Variants in LRRC7 observed in about 807,000 individuals in gnomAD.
The protein encoded by LRRC7 is leucine-rich repeat-containing protein 7.
A neutral mutation model predicts 175.7 loss-of-function variants in LRRC7; 23 were observed. The ratio of observed to expected loss-of-function variants is 0.13; its 90% confidence interval spans 0.09 to 0.19. The LOEUF (loss-of-function observed/expected upper bound fraction) is 0.19. Among genes scored for constraint, LRRC7 ranks in the 10% least tolerant of loss-of-function variants. The probability of loss-of-function intolerance (pLI) is 1.00; values close to 1 mark genes in which losing one functional copy is unlikely to be tolerated. For synonymous variants in LRRC7, 685 were observed against 680.9 expected, an observed-to-expected ratio of 1.01 and a Z score of -0.09; for missense variants, 1,354 against 1,904.7, an observed-to-expected ratio of 0.71 and a Z score of 5.38.
chr1:69,641,521 A>G (rs1307930012), intron 1 of LRRC7, among the ~76,000 whole-genome samples: 2 of 151,650 alleles, frequency 1.3e-5, no homozygotes, highest in Admixed American at 1.3e-4. Flanking sequence ...TCATATTAAT[A>G]ACCTTTACAG....
At chr1:69,685,082 C>G (rs1457253245) in intron 2 of LRRC7, among the ~76,000 whole-genome samples, 1 of 152,138 alleles carries the variant, frequency 6.6e-6, no homozygotes, top group Non-Finnish European at 1.5e-5. Flanking sequence ...ACTTTTAACT[C>G]TAGCGGATGA....
rs1247392367 is a variant in LRRC7, at chr1:69,568,401, T to A, written c.-239T>A. ...CGCTTCGGGCTTCCCCTCAGCCGCT[T>A]CCCGCGGGAACCTCTCCAGCCGTCC... On this transcript the variant is annotated 5_prime_UTR_variant, in exon 1 of 27. Transcript: ENST00000651989. The A allele has an allele frequency of 9.6e-6, 2 of 208,586 alleles. No homozygotes were observed. Among genetic ancestry groups the A allele is most frequent in the Non-Finnish European group, 1.9e-5 (2 of 102,566 alleles). The allele number at this position is 208,586 out of a possible 1,614,324, so 12.9% of individuals were successfully genotyped here.
intron 25 of LRRC7, among the ~76,000 whole-genome samples, chr1:70,098,646 C>G (rs1229005763): frequency 1.3e-5 from 2 of 151,944 alleles, no homozygotes; most frequent in Admixed American, 6.6e-5. Context: ...GATATCACCA[C>G]TGATCCCACA....
chr1:69,714,456 TATGAG>T (rs75930339), intron 2 of LRRC7, among the ~76,000 whole-genome samples: 11,616 of 152,124 alleles, frequency 0.076, 556 homozygotes, highest in African/African-American at 0.14. Context: ...TGAAAAGTGT[TATGAG>T]AGGAAATGAG....
At chr1:69,922,196 G>A (rs957990940) in intron 7 of LRRC7, among the ~76,000 whole-genome samples, 2 of 152,106 alleles carry the variant, frequency 1.3e-5, no homozygotes, top group Non-Finnish European at 2.9e-5. Flanking sequence ...AAAGTGCTGG[G>A]ATTACAGGCA....
At chr1:69,868,976 G>T (rs1685235671) in intron 7 of LRRC7, among the ~76,000 whole-genome samples, 1 of 150,534 alleles carries the variant, frequency 6.6e-6, no homozygotes. Flanking sequence ...CACTCATATT[G>T]GATTACGGTC....
chr1:70,052,863 A>C lies in LRRC7; in HGVS notation c.4111-163A>C, dbSNP rs143724518. On this transcript the variant is annotated intron_variant, in intron 22 of 26. Coordinates refer to ENST00000651989, the MANE Select transcript of LRRC7 (RefSeq NM_001370785.2). ...TGCTTCCAAAAAGCTTTCAATTTAC[A>C]GTTCTTACCCAGTAAATAGTATATA... is the stretch of plus-strand genomic sequence containing the variant. 2.2e-3 allele frequency among the ~76,000 whole-genome samples: 330 copies of C among 152,252 alleles called. 2 individuals are homozygous for C. Among genetic ancestry groups the C allele is most frequent in the African/African-American group, 7.8e-3 (323 of 41,556 alleles).
At chr1:69,923,620 A>G (rs550316916) in intron 7 of LRRC7, among the ~76,000 whole-genome samples, 6 of 152,154 alleles carry the variant, frequency 3.9e-5, no homozygotes, top group Non-Finnish European at 7.3e-5. Context: ...GTGTCTGTTC[A>G]TGTCCTTTGC....
chr1:69,797,916 TG>T (rs1358949988), intron 4 of LRRC7, among the ~76,000 whole-genome samples: 4 of 152,024 alleles, frequency 2.6e-5, no homozygotes, highest in Non-Finnish European at 4.4e-5. Context: ...TTGTTTTTTT[TG>T]TTTGTTTGTT....
chr1:69,740,427 TTAAAA>T (rs1428300356), intron 2 of LRRC7, among the ~76,000 whole-genome samples: 1 of 152,136 alleles, frequency 6.6e-6, no homozygotes, highest in African/African-American at 2.4e-5. Context: ...CTAAAGGCTG[TTAAAA>T]TAAAAACTTC....
At chr1:70,064,606 A>C (rs1377622318) in intron 23 of LRRC7, among the ~76,000 whole-genome samples, 1 of 151,834 alleles carries the variant, frequency 6.6e-6, no homozygotes. Flanking sequence ...TTTGATATAT[A>C]TATAGCTAGT....
rs1438144408 is a variant in LRRC7 at position 70,129,570 on chromosome 1, G to A, written c.*7683G>A. ...TTGAAAAGAGTCTTCTAGGTTCAGC[G>A]GCCCCAAAAAGTCCCTCCTATGACC... is the stretch of plus-strand genomic sequence containing the variant. On this transcript the variant is annotated 3_prime_UTR_variant, in exon 27 of 27. Coordinates refer to ENST00000651989, the MANE Select transcript of LRRC7 (RefSeq NM_001370785.2). 1.3e-5 allele frequency among the ~76,000 whole-genome samples: 2 copies of A among 152,098 alleles called. No individual in the cohort carries two copies. The highest frequency in any genetic ancestry group is 4.8e-5 in the African/African-American group (2 of 41,392).
At chr1:70,026,258 T>G (rs1658087207) in intron 17 of LRRC7, among the ~76,000 whole-genome samples, 1 of 152,164 alleles carries the variant, frequency 6.6e-6, no homozygotes, top group Non-Finnish European at 1.5e-5. Context: ...TACTTTAGCT[T>G]ATTTTTTATT....
intron 25 of LRRC7, among the ~76,000 whole-genome samples, chr1:70,092,571 G>T (rs1006203859): frequency 6.6e-6 from 1 of 152,036 alleles, no homozygotes; most frequent in Non-Finnish European, 1.5e-5. Flanking sequence ...CTTCATTATT[G>T]TTGATGGAAA....
Position 70,135,495 on chromosome 1 carries a change from A to C in LRRC7, c.*13608A>C, listed in dbSNP as rs1256440518. 6.6e-6 allele frequency among the ~76,000 whole-genome samples: 1 copy of C among 152,212 alleles called. No homozygotes were observed. The highest frequency in any genetic ancestry group is 1.5e-5 in the Non-Finnish European group (1 of 68,028). ...CCCCCAGCAGCTGTGGGAAGAGAAG[A>C]GAGCAGGAGAAGCTGTCACTTAAAA... On this transcript the variant is annotated 3_prime_UTR_variant, in exon 27 of 27. Transcript: ENST00000651989.
intron 7 of LRRC7, among the ~76,000 whole-genome samples, chr1:69,858,906 A>G (rs1684033642): frequency 6.6e-6 from 1 of 152,138 alleles, no homozygotes; most frequent in African/African-American, 2.4e-5. Flanking sequence ...GTCATTACAT[A>G]ATGATAAAAG....
chr1:69,995,975 C>T (rs1390509485), intron 11 of LRRC7, among the ~76,000 whole-genome samples: 2 of 149,322 alleles, frequency 1.3e-5, no homozygotes, highest in African/African-American at 2.5e-5. Context: ...TGAGGAATCG[C>T]CACACTGACT....
chr1:69,857,887 A>G lies in LRRC7; in HGVS notation c.647+19604A>G, dbSNP rs192666952. ...ACTACAAGGCTACAGTAACCAAAAC[A>G]GCATGGTACTCGTACCAAAACAGAG... On this transcript the variant is annotated intron_variant, in intron 7 of 26. Coordinates refer to ENST00000651989, the MANE Select transcript of LRRC7 (RefSeq NM_001370785.2). Among the ~76,000 whole-genome samples the G allele has an allele frequency of 3.9e-3, 600 of 152,314 alleles. 3 individuals carry two copies. The highest frequency in any genetic ancestry group is 0.013 in the African/African-American group (555 of 41,568).
intron 2 of LRRC7, among the ~76,000 whole-genome samples, chr1:69,679,769 G>A (rs1660242355): frequency 6.6e-6 from 1 of 152,070 alleles, no homozygotes; most frequent in South Asian, 2.1e-4. Context: ...AGGGATATTT[G>A]TAGATATGTT....
Sources: gnomAD v4.1 joint callset for allele counts (sites outside exome capture counted in the v4.1 genomes callset) on GRCh38, gnomAD v4.1.1 for gene constraint, MANE v1.5 for transcripts, NCBI Gene and HGNC (gene_info 2026-07-23, HGNC 2026-07-21) for gene names.